Variants in DNAAF11 observed in about 807,000 individuals in gnomAD.
DNAAF11 encodes leucine rich repeat containing 6.
DNAAF11 carries 45 observed loss-of-function variants against 60.8 expected under a neutral mutation model. The observed-to-expected ratio is 0.74, with a 90% CI of 0.58 to 0.95. The LOEUF (loss-of-function observed/expected upper bound fraction) is 0.95, where lower values mean the gene tolerates loss of function less well. DNAAF11 is among the 40% of genes least tolerant of loss of function. The pLI, the probability that DNAAF11 is intolerant of heterozygous loss-of-function variation, is 0.00. For synonymous variants in DNAAF11, 191 were observed against 183.5 expected (o/e 1.04, Z -0.33); for missense variants, 546 against 546.2 (o/e 1.00, Z 0.00).
upstream of DNAAF11, among the ~76,000 whole-genome samples, chr8:132,679,707 T>C (rs953004372): frequency 6.6e-6 from 1 of 152,110 alleles, no homozygotes; most frequent in Non-Finnish European, 1.5e-5. Flanking sequence ...GTTCTCGTGA[T>C]AGTAAATGGA....
rs1218865007 is a variant in DNAAF11, at chr8:132,571,257, T to C, written c.*1049A>G. On this transcript the variant is annotated 3_prime_UTR_variant, in exon 12 of 12. Transcript: ENST00000620350. Reference sequence around the variant, plus strand: ...GTGTGTATGTATTTGTCTGCTTTGTTACTACTAAATCCCTGATGAACAGAG... The same window carrying C: ...GTGTGTATGTATTTGTCTGCTTTGTCACTACTAAATCCCTGATGAACAGAG... 6.6e-6 allele frequency among the ~76,000 whole-genome samples: 1 copy of C among 152,226 alleles called. No individual in the cohort carries two copies. Among genetic ancestry groups the C allele is most frequent in the Non-Finnish European group, 1.5e-5 (1 of 68,036 alleles).
At chr8:132,604,612 T>A (rs1045669097) in intron 10 of DNAAF11, among the ~76,000 whole-genome samples, 5 of 152,196 alleles carry the variant, frequency 3.3e-5, no homozygotes, top group Non-Finnish European at 7.4e-5. Context: ...AGTTAAATTT[T>A]AAGTTGGACT....
chr8:132,613,813 A>G (rs1219976338), intron 8 of DNAAF11, among the ~76,000 whole-genome samples: 1 of 152,192 alleles, frequency 6.6e-6, no homozygotes, highest in African/African-American at 2.4e-5. Flanking sequence ...TTGGGTAATA[A>G]TCCCTCCAAC....
intron 11 of DNAAF11, among the ~76,000 whole-genome samples, chr8:132,577,353 G>A (rs968251119): frequency 6.6e-6 from 1 of 152,146 alleles, no homozygotes; most frequent in African/African-American, 2.4e-5. Flanking sequence ...TGTTATTTGA[G>A]GTAATAAAAC....
At chr8:132,611,508 T>G in intron 8 of DNAAF11, 145 bp from the exon 9 acceptor site, 2 of 518,976 alleles carry the variant, frequency 3.9e-6, no homozygotes, top group Non-Finnish European at 6.9e-6. Context: ...AAAATTAGTT[T>G]TAAATTAATT....
chr8:132,629,524 T>C (rs1820604184), intron 5 of DNAAF11, among the ~76,000 whole-genome samples: 2 of 152,002 alleles, frequency 1.3e-5, no homozygotes, highest in South Asian at 4.1e-4. Context: ...ATTTTTTGTA[T>C]TTTTAGTAGA....
chr8:132,576,299 A>G (rs1344269082), intron 11 of DNAAF11, among the ~76,000 whole-genome samples: 3 of 152,196 alleles, frequency 2.0e-5, no homozygotes, highest in Non-Finnish European at 2.9e-5. Flanking sequence ...TGTTCATTCA[A>G]TAAGTGTTTA....
At chr8:132,635,343 C>A (rs1464698978) in intron 4 of DNAAF11, among the ~76,000 whole-genome samples, 1 of 152,160 alleles carries the variant, frequency 6.6e-6, no homozygotes, top group Non-Finnish European at 1.5e-5. Flanking sequence ...GAGAGGGACA[C>A]TAAGATGTAC....
chr8:132,696,005 G>C, the DNAAF11 span, among the ~76,000 whole-genome samples: 1 of 152,158 alleles, frequency 6.6e-6, no homozygotes, highest in Non-Finnish European at 1.5e-5. Flanking sequence ...AGAATGAGCT[G>C]GAAAGATGGT....
chr8:132,571,550 A>G lies in DNAAF11; in HGVS notation c.*756T>C, dbSNP rs1413433496. Among the ~76,000 whole-genome samples the G allele has an allele frequency of 1.3e-5, 2 of 151,898 alleles. No individual in the cohort carries two copies. The highest frequency in any genetic ancestry group is 4.8e-5 in the African/African-American group (2 of 41,384). On this transcript the variant is annotated 3_prime_UTR_variant, in exon 12 of 12. Coordinates refer to ENST00000620350, the MANE Select transcript of DNAAF11 (RefSeq NM_012472.6). ...AAAGTAATTGGGGAGGGAGGGGAAG[A>G]AGGAGCAGGGAGGAGGAGAGACAGG...
chr8:132,608,764 A>C (rs1235152332), intron 10 of DNAAF11, among the ~76,000 whole-genome samples: 1 of 152,204 alleles, frequency 6.6e-6, no homozygotes, highest in Non-Finnish European at 1.5e-5. Flanking sequence ...TTACTATAGA[A>C]GCATTTCTTT....
the DNAAF11 span, among the ~76,000 whole-genome samples, chr8:132,685,457 C>T: frequency 6.6e-6 from 1 of 152,082 alleles, no homozygotes; most frequent in Admixed American, 6.5e-5. Flanking sequence ...TAATATATTC[C>T]TAATTACTCT....
the DNAAF11 span, among the ~76,000 whole-genome samples, chr8:132,698,949 T>C: frequency 3.1e-5 from 2 of 63,646 alleles, no homozygotes; most frequent in African/African-American, 2.0e-4. Flanking sequence ...TATATATATA[T>C]ATATATACAC....
chr8:132,608,422 C>T, intron 10 of DNAAF11: 1 of 426,192 alleles, frequency 2.3e-6, no homozygotes, highest in Non-Finnish European at 4.7e-6. Context: ...CCTCATAAGC[C>T]ATTTATTATT....
At chr8:132,588,900 G>A (rs760049488) in intron 10 of DNAAF11, among the ~76,000 whole-genome samples, 12 of 152,006 alleles carry the variant, frequency 7.9e-5, no homozygotes, top group Non-Finnish European at 1.6e-4. Flanking sequence ...GGAAGGAGGT[G>A]CCACACACTT....
chr8:132,588,285 T>A (rs12675121), intron 10 of DNAAF11, among the ~76,000 whole-genome samples: 2 of 152,130 alleles, frequency 1.3e-5, no homozygotes, highest in Non-Finnish European at 2.9e-5. Flanking sequence ...TCAGGAATAC[T>A]TGTTAAGAAA....
At chr8:132,654,698 CAAA>C (rs34749688) in intron 3 of DNAAF11, among the ~76,000 whole-genome samples, 313 of 134,034 alleles carry the variant, frequency 2.3e-3, no homozygotes, top group African/African-American at 8.0e-3. Flanking sequence ...AAAAAAATTG[CAAA>C]AAAAAAAAAT....
intron 3 of DNAAF11, among the ~76,000 whole-genome samples, chr8:132,639,821 AG>A (rs1231037759): frequency 6.6e-6 from 1 of 152,170 alleles, no homozygotes; most frequent in African/African-American, 2.4e-5. Context: ...CTGCTAACAT[AG>A]ATGTTGCTGA....
chr8:132,661,366 T>C, intron 2 of DNAAF11, 94 bp downstream of exon 2: 1 of 1,046,278 alleles, frequency 9.6e-7, no homozygotes, highest in Non-Finnish European at 1.4e-6. Context: ...AGTTTTTTTT[T>C]CAGTGATTGT....
Sources: allele counts gnomAD v4.1 joint callset (sites outside exome capture counted in the v4.1 genomes callset), GRCh38; gene constraint gnomAD v4.1.1; transcripts MANE v1.5; gene names NCBI Gene and HGNC (gene_info 2026-07-23, HGNC 2026-07-21).